DOCK4: variants seen among roughly 807,000 people sequenced by gnomAD.
DOCK4 encodes the protein dedicator of cytokinesis 4, also known as dedicator of cytokinesis protein 4.
In DOCK4, 97 loss-of-function variants were observed where a neutral mutation model predicts 268.1. That is an observed-to-expected ratio of 0.36 (90% CI 0.31 to 0.43). The LOEUF (loss-of-function observed/expected upper bound fraction) is 0.43. Among genes scored for constraint, DOCK4 ranks in the 20% least tolerant of loss-of-function variants. The pLI is 1.00. For synonymous variants in DOCK4, 954 were observed against 887.2 expected, an observed-to-expected ratio of 1.08 and a Z score of -1.34; for missense variants, 2,145 against 2,455.7, an observed-to-expected ratio of 0.87 and a Z score of 2.67.
intron 48 of DOCK4, 41 bp from the exon 49 acceptor site, chr7:111,739,284 G>A (rs1401888475): frequency 1.3e-6 from 2 of 1,597,152 alleles, no homozygotes; most frequent in Non-Finnish European, 1.7e-6. Context: ...GCATGGTAGT[G>A]GTGCTGCACC....
Position 111,944,890 on chromosome 7 carries a change from T to C in DOCK4, c.784-19A>G, listed in dbSNP as rs766598542. On this transcript the variant is annotated intron_variant, in intron 9 of 52. Coordinates refer to ENST00000428084, the MANE Select transcript of DOCK4 (RefSeq NM_001363540.2). Reference sequence around the variant, plus strand: ...CCAAATCCTACAAACAAAGAAAGTTTGGTTATTTTGGAAGACATGAGCGGC... The same window carrying C: ...CCAAATCCTACAAACAAAGAAAGTTCGGTTATTTTGGAAGACATGAGCGGC... The C allele has an allele frequency of 6.2e-6, 10 of 1,613,530 alleles. No individual in the cohort carries two copies. In the African/African-American group the frequency reaches 1.1e-4, roughly 17 times the overall value.
intron 36 of DOCK4, among the ~76,000 whole-genome samples, chr7:111,771,464 G>A (rs764398598): frequency 2.0e-5 from 3 of 152,220 alleles, no homozygotes; most frequent in Admixed American, 6.5e-5. Context: ...TTGAACGTGA[G>A]ATGGACAGAG....
chr7:111,999,330 C>T (rs556632689), intron 3 of DOCK4, among the ~76,000 whole-genome samples: 7 of 151,958 alleles, frequency 4.6e-5, no homozygotes, highest in Non-Finnish European at 8.8e-5. Context: ...CAAATTCTTT[C>T]CATTCAATAG....
At chr7:111,853,253 G>T (rs890467584) in intron 23 of DOCK4, among the ~76,000 whole-genome samples, 4 of 152,180 alleles carry the variant, frequency 2.6e-5, no homozygotes, top group Admixed American at 6.5e-5. Context: ...AGAGCGCGAG[G>T]TCTGTGAGTT....
At chr7:112,092,057 G>C (rs758803723) in intron 1 of DOCK4, among the ~76,000 whole-genome samples, 8 of 152,146 alleles carry the variant, frequency 5.3e-5, no homozygotes, top group Admixed American at 6.5e-5. Context: ...TTGTGTGTCA[G>C]CGTTAACAAA....
intron 30 of DOCK4, among the ~76,000 whole-genome samples, chr7:111,791,442 G>A (rs1297991589): frequency 1.3e-5 from 2 of 151,414 alleles, no homozygotes; most frequent in East Asian, 1.9e-4. Context: ...TTTTTCTCGA[G>A]TGTCTGTTTT....
At chr7:112,030,863 G>A (rs1401173060) in intron 1 of DOCK4, among the ~76,000 whole-genome samples, 2 of 152,266 alleles carry the variant, frequency 1.3e-5, no homozygotes, top group African/African-American at 4.8e-5. Context: ...AATTTTGGGC[G>A]ATTGTCATTT....
At chr7:112,010,780 T>C (rs17159145) in intron 1 of DOCK4, among the ~76,000 whole-genome samples, 7,202 of 152,312 alleles carry the variant, frequency 0.047, 383 homozygotes, top group East Asian at 0.26. Flanking sequence ...TATGTGACTT[T>C]GAAAAATCAG....
At chr7:112,174,598 G>A (rs185604500) in intron 1 of DOCK4, among the ~76,000 whole-genome samples, 123 of 151,956 alleles carry the variant, frequency 8.1e-4, no homozygotes, top group Middle Eastern at 3.4e-3. Flanking sequence ...CATGATTACA[G>A]GGAAAAAAGG....
Position 111,847,117 on chromosome 7 carries a change from T to A in DOCK4, c.2483A>T (p.Tyr828Phe). 6.2e-7 allele frequency: 1 copy of A among 1,613,796 alleles called. No homozygotes were observed. Among genetic ancestry groups the A allele is most frequent in the Non-Finnish European group, 8.5e-7 (1 of 1,179,734 alleles). Residue 828 changes from tyrosine to phenylalanine, a missense_variant, in exon 24 of 53, where the codon TAC (tyrosine) becomes TTC (phenylalanine). By Grantham distance (22) the Tyr-to-Phe change is conservative. Around this residue, in one of 2 missense-constraint regions of DOCK4, gnomAD observed 1,598 missense variants for 1,986.7 expected, o/e 0.80. Coordinates refer to ENST00000428084, the MANE Select transcript of DOCK4 (RefSeq NM_001363540.2). ...SQLYTNPDSR[Y>F]ILLPVVLHHL... is the part of the protein sequence containing the mutation. ...ATGTAACACGACAGGCAGAAGAATG[T>A]ATCGGGAATCTGAAGAGAGAAGAGT...
intron 31 of DOCK4, 25 bp downstream of exon 31, chr7:111,790,432 T>C: frequency 1.2e-6 from 2 of 1,609,146 alleles, no homozygotes; most frequent in Non-Finnish European, 1.7e-6. Context: ...CTCTTCCAAC[T>C]CTTCTGAGGA....
chr7:111,786,086 T>A (rs1425882815), intron 32 of DOCK4, among the ~76,000 whole-genome samples: 1 of 152,192 alleles, frequency 6.6e-6, no homozygotes, highest in Non-Finnish European at 1.5e-5. Flanking sequence ...AGATGTAAGG[T>A]ATGGTGTCAC....
At chr7:111,898,044 T>C (rs902298850) in intron 15 of DOCK4, among the ~76,000 whole-genome samples, 9 of 152,194 alleles carry the variant, frequency 5.9e-5, no homozygotes, top group Non-Finnish European at 1.2e-4. Context: ...CCAAATGGTC[T>C]TTCTGTTCCC....
At chr7:112,116,742 A>G (rs1812208985) in intron 1 of DOCK4, among the ~76,000 whole-genome samples, 1 of 152,234 alleles carries the variant, frequency 6.6e-6, no homozygotes, top group African/African-American at 2.4e-5. Flanking sequence ...CAAAGTCAAA[A>G]GAATTTATTG....
chr7:112,081,989 T>A (rs553890739), intron 1 of DOCK4, among the ~76,000 whole-genome samples: 2 of 152,100 alleles, frequency 1.3e-5, no homozygotes, highest in African/African-American at 4.8e-5. Flanking sequence ...CACTGAAGGT[T>A]CTCCCAGCCT....
intron 1 of DOCK4, among the ~76,000 whole-genome samples, chr7:112,165,869 TTTC>T (rs1817570819): frequency 1.3e-5 from 2 of 152,090 alleles, no homozygotes; most frequent in Non-Finnish European, 2.9e-5. Context: ...CCTCGTCACG[TTTC>T]CCATCCTATG....
At chr7:111,748,894 G>A (rs917129048) in intron 42 of DOCK4, among the ~76,000 whole-genome samples, 1 of 152,078 alleles carries the variant, frequency 6.6e-6, no homozygotes, top group Admixed American at 6.5e-5. Flanking sequence ...ATACAGCAAT[G>A]AAACAAACTT....
chr7:112,179,381 TAAA>T (rs11300174), intron 1 of DOCK4, among the ~76,000 whole-genome samples: 12 of 148,342 alleles, frequency 8.1e-5, no homozygotes, highest in Non-Finnish European at 1.6e-4. Flanking sequence ...GCCTGTACCT[TAAA>T]AAAAAAAAAG....
At chr7:111,802,821 G>C (rs1468202905) in intron 30 of DOCK4, among the ~76,000 whole-genome samples, 1 of 152,060 alleles carries the variant, frequency 6.6e-6, no homozygotes, top group Non-Finnish European at 1.5e-5. Flanking sequence ...TCTAGCTTCA[G>C]TGATTATCAA....
Sources: allele counts gnomAD v4.1 joint callset (sites outside exome capture counted in the v4.1 genomes callset), GRCh38; gene constraint gnomAD v4.1.1; regional missense constraint gnomAD v4.1.1; transcripts MANE v1.5; gene names NCBI Gene and HGNC (gene_info 2026-07-23, HGNC 2026-07-21).